TRMU: variants seen among roughly 807,000 people sequenced by gnomAD.
TRMU encodes the protein tRNA mitochondrial 2-thiouridylase.
In TRMU, 49 loss-of-function variants were observed where a neutral mutation model predicts 46.9. That is an observed-to-expected ratio of 1.05 (90% CI 0.83 to 1.33). TRMU has a LOEUF of 1.33. TRMU is among the 40% of genes most tolerant of loss of function. The pLI is 0.00. For synonymous variants in TRMU, 241 were observed against 200.9 expected, an observed-to-expected ratio of 1.20 and a Z score of -1.69; for missense variants, 572 against 532.4, an observed-to-expected ratio of 1.07 and a Z score of -0.73.
Position 46,353,979 on chromosome 22 carries a change from T to C in TRMU, c.873+112T>C, listed in dbSNP as rs765518251. On this transcript the variant is annotated intron_variant, in intron 8 of 10. Transcript: ENST00000645190. ...AGCAGCCGTGGCTTCCTGGAGGCTG[T>C]GACTAACTCTGTTCCTGTCCTTGGT... 15 of 931,958 alleles carry C rather than the reference T, an allele frequency of 1.6e-5. No homozygotes were observed. The African/African-American group carries it at 1.8e-4, about 11-fold the overall frequency. The allele number at this position is 931,958 out of a possible 1,614,324, so 57.7% of individuals were successfully genotyped here. A position where few individuals can be genotyped will look rare whatever the true frequency, so the allele number is the denominator to read the frequency against.
chr22:46,357,107 G>A lies in TRMU; in HGVS notation c.*101G>A, dbSNP rs1312560113. ...AAGGGCCAGCTTGCTGCTGCCCAAA[G>A]CAGAGGAAGCCGGGCTGGCTGAGGG... is the stretch of plus-strand genomic sequence containing the variant. On this transcript the variant is annotated 3_prime_UTR_variant, in exon 11 of 11. Coordinates refer to ENST00000645190, the MANE Select transcript of TRMU (RefSeq NM_018006.5). 4.6e-6 allele frequency: 7 copies of A among 1,535,606 alleles called. No individual in the cohort carries two copies. The highest frequency in any genetic ancestry group is 6.2e-6 in the Non-Finnish European group (7 of 1,128,532).
In TRMU at chr22:46,351,610, GAC is replaced by G. The variant is rs970288319; in HGVS notation, c.652-507_652-506del. The G allele has an allele frequency of 8.1e-5, 18 of 222,474 alleles. No homozygotes were observed. Among genetic ancestry groups the G allele is most frequent in the African/African-American group, 4.1e-4 (18 of 44,160 alleles). The allele number at this position is 222,474 out of a possible 1,614,324, so 13.8% of individuals were successfully genotyped here. A position where few individuals can be genotyped will look rare whatever the true frequency, so the allele number is the denominator to read the frequency against. ...CAGGGATGGAAGGGCAGTCTTGAGA[GAC>G]ACAAACCAGAGTAAACGATGCAGCC... On this transcript the variant is annotated intron_variant, in intron 5 of 10. Transcript: ENST00000645190. The surrounding 1 kb of genome is among the most constrained non-coding windows in gnomAD (Gnocchi z 6.4).
rs1273011750 is a variant in TRMU at position 46,349,723 on chromosome 22, AC to A, written c.479-567del. ...GTCGGAGGAACTGCAGGGTCACCTA[AC>A]AGATGTCAGCTGAGACTCTCAACAA... On this transcript the variant is annotated intron_variant, in intron 4 of 10. Transcript: ENST00000645190. The surrounding 1 kb of genome is among the most constrained non-coding windows in gnomAD (Gnocchi z 4.6). 1.4e-4 allele frequency among the ~76,000 whole-genome samples: 21 copies of A among 152,218 alleles called. No homozygotes were observed. The highest frequency in any genetic ancestry group is 1.4e-3 in the Admixed American group (21 of 15,286).
At position 46,352,173 on chromosome 22, in the gene TRMU, AG is replaced by A; in HGVS notation, c.705+1del. ...GKRNFEHFLL[Q>X]YLQPRPGHFI... Reference sequence around the variant, plus strand: ...AGGAATTTTGAACATTTCCTTCTTCAGGTGCGTGCTGCTCTTTGACACAAAG... The same window carrying A: ...AGGAATTTTGAACATTTCCTTCTTCAGTGCGTGCTGCTCTTTGACACAAAG... On this transcript the variant is annotated frameshift_variant and splice_region_variant, in exon 6 of 11. Coordinates refer to ENST00000645190, the MANE Select transcript of TRMU (RefSeq NM_018006.5). LOFTEE classifies it high-confidence loss of function. 1 of 1,614,174 alleles carries A rather than the reference AG, an allele frequency of 6.2e-7. No individual in the cohort carries two copies. The highest frequency in any genetic ancestry group is 8.5e-7 in the Non-Finnish European group (1 of 1,180,038).
chr22:46,337,873 A>G lies in TRMU; in HGVS notation c.177A>G (p.Arg59=). 2 of 1,614,204 alleles carry G rather than the reference A, an allele frequency of 1.2e-6. No homozygotes were observed. The highest frequency in any genetic ancestry group is 8.5e-7 in the Non-Finnish European group (1 of 1,180,038). ...ACAAAGACTGTGAAGATGCTTACAG[A>G]GTTTGCCAGATCTTAGACATCCCTT... ...TADKDCEDAY[R]VCQILDIPFH... is the part of the protein sequence containing the mutation. Residue 59 remains arginine (R), a synonymous_variant, in exon 2 of 11, where the codon AGA becomes AGG. Transcript: ENST00000645190.
chr22:46,352,011 C>T (rs1479975916), intron 5 of TRMU, 110 bp from the exon 6 acceptor site: 3 of 1,271,414 alleles, frequency 2.4e-6, no homozygotes, highest in Non-Finnish European at 3.4e-6. Flanking sequence ...ACCCTGGAAG[C>T]AAAGTGTGGG....
chr22:46,356,657 A>C, intron 10 of TRMU, 185 bp from the exon 11 acceptor site: 1 of 669,934 alleles, frequency 1.5e-6, no homozygotes, highest in East Asian at 2.7e-5. Context: ...TAGTGAAGCC[A>C]CTGGGTGCCC....
At position 46,338,043 on chromosome 22, in the gene TRMU, C is replaced by T. The variant is rs900305236; in HGVS notation, c.248+99C>T. 2 of 1,524,506 alleles carry T rather than the reference C, an allele frequency of 1.3e-6. No homozygotes were observed. The highest frequency in any genetic ancestry group is 1.8e-6 in the Non-Finnish European group (2 of 1,103,378). The allele number at this position is 1,524,506 out of a possible 1,614,324, so 94.4% of individuals were successfully genotyped here. On this transcript the variant is annotated intron_variant, in intron 2 of 10. Transcript: ENST00000645190. This position sits in a 1 kb window ranked among gnomAD's most constrained non-coding sequence, Gnocchi z 4.5. ...GCCAGACCGACGCCTGTGCTGCAGC[C>T]CAGCGCTCTCCCTCCACGGTGGTGC...
At chr22:46,356,205 A>C (rs1002234013) in intron 10 of TRMU, 133 bp downstream of exon 10, 1 of 935,206 alleles carries the variant, frequency 1.1e-6, no homozygotes, top group African/African-American at 1.6e-5. Flanking sequence ...GTGAGGGCAG[A>C]GTGCCACCAG....
In TRMU at chr22:46,353,352, A is replaced by G. The variant is rs560593452; in HGVS notation, c.773-415A>G. ...GCTGTGTGACATTGTGAGGGTGCGC[A>G]GAGCAGCTGGGGGTAGCCCTGATGC... On this transcript the variant is annotated intron_variant, in intron 7 of 10. Coordinates refer to ENST00000645190, the MANE Select transcript of TRMU (RefSeq NM_018006.5). 28 of 268,348 alleles carry G rather than the reference A, an allele frequency of 1.0e-4. No individual in the cohort carries two copies. The East Asian group carries it at 2.1e-3, about 20-fold the overall frequency. The allele number at this position is 268,348 out of a possible 1,614,324, so 16.6% of individuals were successfully genotyped here. A position where few individuals can be genotyped will look rare whatever the true frequency, so the allele number is the denominator to read the frequency against.
Position 46,339,783 on chromosome 22 carries a change from T to TG in TRMU, c.248+1842dup, listed in dbSNP as rs1467061629. The stretch of plus-strand genomic sequence containing the variant: ...CTCTGTGACTCTATGCTATAACATA[T>TG]GGGTGTCGTATATATTAACAACATG... On this transcript the variant is annotated intron_variant, in intron 2 of 10. Coordinates refer to ENST00000645190, the MANE Select transcript of TRMU (RefSeq NM_018006.5). The surrounding 1 kb of genome is among the most constrained non-coding windows in gnomAD (Gnocchi z 4.8). Among the ~76,000 whole-genome samples the TG allele has an allele frequency of 1.3e-5, 2 of 152,134 alleles. No homozygotes were observed. The highest frequency in any genetic ancestry group is 2.9e-5 in the Non-Finnish European group (2 of 68,024).
chr22:46,350,540 G>A lies in TRMU; in HGVS notation c.651+77G>A. The A allele has an allele frequency of 6.5e-7, 1 of 1,542,096 alleles. No homozygotes were observed. The highest frequency in any genetic ancestry group is 1.1e-5 in the South Asian group (1 of 88,916). Reference sequence around the variant, plus strand: ...CATGGCACGGAGCAGCTGGACCTGTGGGTCCCGCACCACTTCCCCTTCTCC... The same window carrying A: ...CATGGCACGGAGCAGCTGGACCTGTAGGTCCCGCACCACTTCCCCTTCTCC... On this transcript the variant is annotated intron_variant, in intron 5 of 10. Coordinates refer to ENST00000645190, the MANE Select transcript of TRMU (RefSeq NM_018006.5). This position sits in a 1 kb window ranked among gnomAD's most constrained non-coding sequence, Gnocchi z 4.6.
At position 46,355,599 on chromosome 22, in the gene TRMU, G is replaced by A. The variant is rs1387561319; in HGVS notation, c.1018+11G>A. 1.2e-6 allele frequency: 2 copies of A among 1,613,326 alleles called. No individual in the cohort carries two copies. The highest frequency in any genetic ancestry group is 8.5e-7 in the Non-Finnish European group (1 of 1,180,034). ...ACCAGATGGCACTAGGTGACTGACG[G>A]GAGGGCTCCTGAGGACGGGCCCCTT... On this transcript the variant is annotated intron_variant, in intron 9 of 10. Coordinates refer to ENST00000645190, the MANE Select transcript of TRMU (RefSeq NM_018006.5).
chr22:46,355,552 G>A lies in TRMU; in HGVS notation c.982G>A (p.Glu328Lys), dbSNP rs377272147. The change falls in exon 9 of 11, where the codon GAG becomes AAG. Residue 328 changes from glutamate (E) to lysine (K), a missense_variant. By Grantham distance (56) the Glu-to-Lys change is moderately conservative (BLOSUM62 1). Coordinates refer to ENST00000645190, the MANE Select transcript of TRMU (RefSeq NM_018006.5). ...AGCACTGGTCCGGGACAAGATGATG[G>A]AGTGCCACTTCCGATTCCGCCACCA... ...PAALVRDKMM[E>K]CHFRFRHQMA... The A allele has an allele frequency of 6.2e-7, 1 of 1,613,376 alleles. No individual in the cohort carries two copies. The highest frequency in any genetic ancestry group is 8.5e-7 in the Non-Finnish European group (1 of 1,180,048).
chr22:46,357,200 G>C lies in TRMU; in HGVS notation c.*194G>C, dbSNP rs1008983524. ...TCAGCTCCAGGCTGGGGCTCTGGCT[G>C]CTGGAGCATCTGCTGGCTGGTGGGG... On this transcript the variant is annotated 3_prime_UTR_variant, in exon 11 of 11. Transcript: ENST00000645190. 3 of 729,400 alleles carry C rather than the reference G, an allele frequency of 4.1e-6. No individual in the cohort carries two copies. The highest frequency in any genetic ancestry group is 6.7e-6 in the Non-Finnish European group (3 of 445,978). The allele number at this position is 729,400 out of a possible 1,614,324, so 45.2% of individuals were successfully genotyped here. A position where few individuals can be genotyped will look rare whatever the true frequency, so the allele number is the denominator to read the frequency against.
intron 2 of TRMU, among the ~76,000 whole-genome samples, chr22:46,341,004 G>T (rs1280605527): frequency 6.6e-6 from 1 of 152,236 alleles, no homozygotes; most frequent in Non-Finnish European, 1.5e-5. Context: ...CTAGCTCAGA[G>T]ATTTCTTTTG....
rs2078347943 is a variant in TRMU at position 46,349,469 on chromosome 22, G to A, written c.479-822G>A. Among the ~76,000 whole-genome samples, 2 of 152,260 alleles carry A rather than the reference G, an allele frequency of 1.3e-5. No homozygotes were observed. Among genetic ancestry groups the A allele is most frequent in the Admixed American group, 1.3e-4 (2 of 15,286 alleles). On this transcript the variant is annotated intron_variant, in intron 4 of 10. Coordinates refer to ENST00000645190, the MANE Select transcript of TRMU (RefSeq NM_018006.5). The surrounding 1 kb of genome is among the most constrained non-coding windows in gnomAD (Gnocchi z 4.6). ...TGGCTCTGCCAAGCCAGGAAGGGTAGGTGTGCTGTCTGACCGTCACGGCAT... is the reference window on the plus strand; with the variant it reads ...TGGCTCTGCCAAGCCAGGAAGGGTAAGTGTGCTGTCTGACCGTCACGGCAT...
In TRMU at chr22:46,341,354, T is replaced by C. The variant is rs191134814; in HGVS notation, c.249-1908T>C. ...GTAGTTTATAGTTTAATGAGCTTCC[T>C]GGTAACTTTCTAATAATTAAAGCAA... On this transcript the variant is annotated intron_variant, in intron 2 of 10. Coordinates refer to ENST00000645190, the MANE Select transcript of TRMU (RefSeq NM_018006.5). Among the ~76,000 whole-genome samples the C allele has an allele frequency of 1.4e-3, 214 of 152,046 alleles. 1 individual carries two copies. Among genetic ancestry groups the C allele is most frequent in the Middle Eastern group, 3.4e-3 (1 of 294 alleles).
rs573016516 is a variant in TRMU at position 46,352,472 on chromosome 22, G to T, written c.772+142G>T. 4.7e-4 allele frequency: 448 copies of T among 959,456 alleles called. 1 individual carries two copies. The highest frequency in any genetic ancestry group is 6.4e-5 in the Non-Finnish European group (39 of 607,446). 59.4% of individuals were successfully genotyped at this position (959,456 alleles called of 1,614,324 possible). On this transcript the variant is annotated intron_variant, in intron 7 of 10. Transcript: ENST00000645190. Reference sequence around the variant, plus strand: ...AGGCTCTGTGGGGCGGCCGGGGGCGGGCACGGCCTAGGGTGGAACAGTTGC... The same window carrying T: ...AGGCTCTGTGGGGCGGCCGGGGGCGTGCACGGCCTAGGGTGGAACAGTTGC...
Sources: gnomAD v4.1 joint callset for allele counts (sites outside exome capture counted in the v4.1 genomes callset) on GRCh38, gnomAD v4.1.1 for gene constraint, Gnocchi (gnomAD v3.1) non-coding constraint, MANE v1.5 for transcripts, NCBI Gene and HGNC (gene_info 2026-07-23, HGNC 2026-07-21) for gene names.